The following TLK1 variants were observed in gnomAD, a reference collection of about 807,000 sequenced individuals.
TLK1 encodes the protein serine/threonine-protein kinase tousled-like 1.
A neutral mutation model predicts 105.3 loss-of-function variants in TLK1; 24 were observed. That is an observed-to-expected ratio of 0.23 (90% confidence interval 0.17 to 0.32). The LOEUF is 0.32. TLK1 is among the 10% of genes least tolerant of loss of function. The pLI, the probability that TLK1 is intolerant of heterozygous loss-of-function variation, is 1.00. For synonymous variants in TLK1, 321 were observed against 310.4 expected (o/e 1.03, Z -0.36); for missense variants, 558 against 910.5 (o/e 0.61, Z 4.98).
chr2:171,007,604 T>C (rs575288826), intron 14 of TLK1, among the ~76,000 whole-genome samples: 37 of 152,160 alleles, frequency 2.4e-4, no homozygotes, highest in African/African-American at 8.9e-4. Flanking sequence ...CTTATGCCCC[T>C]ACCATCCAGT....
intron 20 of TLK1, among the ~76,000 whole-genome samples, chr2:170,996,039 C>T (rs1402372219): frequency 6.6e-6 from 1 of 151,352 alleles, no homozygotes. Flanking sequence ...ACTCTGTCCC[C>T]CAGGTTTGAG....
chr2:170,996,407 C>T (rs1210789193), intron 20 of TLK1, among the ~76,000 whole-genome samples: 2 of 151,926 alleles, frequency 1.3e-5, no homozygotes, highest in Non-Finnish European at 2.9e-5. Flanking sequence ...GTGATTTTTC[C>T]CTAATTTTCA....
chr2:171,048,285 AC>A, intron 10 of TLK1, among the ~76,000 whole-genome samples: 1 of 152,348 alleles, frequency 6.6e-6, no homozygotes, highest in East Asian at 1.9e-4. Context: ...AATTGGAACT[AC>A]TAGTAGAATT....
Position 171,091,348 on chromosome 2 carries a change from A to C in TLK1, c.259-8496T>G, listed in dbSNP as rs181500076. 9.8e-5 allele frequency among the ~76,000 whole-genome samples: 15 copies of C among 152,318 alleles called. No homozygotes were observed. In the East Asian group the frequency reaches 1.7e-3, roughly 18 times the overall value. On this transcript the variant is annotated intron_variant, in intron 2 of 20. Transcript: ENST00000431350. ...AGATGCCCCCATCTAACCAGACATA[A>C]TCTAGTATAAACATTCCTTGCATCC...
intron 1 of TLK1, among the ~76,000 whole-genome samples, chr2:171,198,015 C>T (rs1473197866): frequency 1.3e-5 from 2 of 152,100 alleles, no homozygotes; most frequent in Non-Finnish European, 2.9e-5. Context: ...ATTTTTGTAT[C>T]CTCAGTACCT....
chr2:171,034,898 T>C (rs1272051913), intron 11 of TLK1, among the ~76,000 whole-genome samples: 1 of 152,072 alleles, frequency 6.6e-6, no homozygotes, highest in Admixed American at 6.5e-5. Flanking sequence ...GCTGATATGG[T>C]TTGGCTGTGT....
intron 1 of TLK1, among the ~76,000 whole-genome samples, chr2:171,119,066 T>C (rs1022306665): frequency 5.9e-5 from 9 of 152,232 alleles, no homozygotes; most frequent in African/African-American, 1.4e-4. Flanking sequence ...ATCCAAGAAA[T>C]CTTGTATTCA....
At chr2:171,173,007 C>A (rs765851448) in intron 1 of TLK1, among the ~76,000 whole-genome samples, 6 of 152,126 alleles carry the variant, frequency 3.9e-5, no homozygotes, top group Non-Finnish European at 8.8e-5. Flanking sequence ...TTCTGAGAAT[C>A]TTTCCTAAGA....
intron 18 of TLK1, among the ~76,000 whole-genome samples, chr2:171,003,440 G>A (rs1252567684): frequency 6.6e-6 from 1 of 151,954 alleles, no homozygotes; most frequent in Non-Finnish European, 1.5e-5. Context: ...TCAATCTATG[G>A]TACATATCAA....
At chr2:171,029,385 T>G (rs1034979306) in intron 11 of TLK1, among the ~76,000 whole-genome samples, 7 of 152,168 alleles carry the variant, frequency 4.6e-5, no homozygotes, top group African/African-American at 1.7e-4. Context: ...ATCCCAGCAC[T>G]CTGGGAGGCT....
chr2:171,162,400 T>C (rs1313187122), upstream of TLK1, among the ~76,000 whole-genome samples: 1 of 152,134 alleles, frequency 6.6e-6, no homozygotes, highest in African/African-American at 2.4e-5. Context: ...TAGCCGGGTG[T>C]AGCGGCACGC....
At position 171,160,028 on chromosome 2, in the gene TLK1, G is replaced by A. The variant is rs1027559600; in HGVS notation, c.139+262C>T. Reference sequence around the variant, plus strand: ...CAGGACTGGCTCCCAGGAACCCCAGGCGAGTCTATGCGCCTCGCCCCGTCC... The same window carrying A: ...CAGGACTGGCTCCCAGGAACCCCAGACGAGTCTATGCGCCTCGCCCCGTCC... On this transcript the variant is annotated intron_variant, in intron 1 of 20. Coordinates refer to ENST00000431350, the MANE Select transcript of TLK1 (RefSeq NM_012290.5). This position sits in a 1 kb window ranked among gnomAD's most constrained non-coding sequence, Gnocchi z 4.4. Among the ~76,000 whole-genome samples the A allele has an allele frequency of 6.6e-6, 1 of 152,116 alleles. No homozygotes were observed. Among genetic ancestry groups the A allele is most frequent in the Non-Finnish European group, 1.5e-5 (1 of 67,992 alleles).
At position 171,050,194 on chromosome 2, in the gene TLK1, T is replaced by G; in HGVS notation, c.733-20A>C. The G allele has an allele frequency of 6.4e-7, 1 of 1,557,480 alleles. No individual in the cohort carries two copies. Among genetic ancestry groups the G allele is most frequent in the Non-Finnish European group, 8.8e-7 (1 of 1,140,928 alleles). ...GTTAGCCTATGACATAAGTAGAAAA[T>G]GCAAGAGGTCTAGACTGGGGAATAT... On this transcript the variant is annotated intron_variant, in intron 8 of 20. Coordinates refer to ENST00000431350, the MANE Select transcript of TLK1 (RefSeq NM_012290.5).
intron 12 of TLK1, among the ~76,000 whole-genome samples, chr2:171,023,610 A>C (rs1047097980): frequency 6.6e-6 from 1 of 152,206 alleles, no homozygotes; most frequent in Non-Finnish European, 1.5e-5. Context: ...TGTTCATATC[A>C]CAAATTTGAG....
intron 1 of TLK1, among the ~76,000 whole-genome samples, chr2:171,224,209 T>A (rs1391764771): frequency 6.6e-6 from 1 of 152,204 alleles, no homozygotes; most frequent in Non-Finnish European, 1.5e-5. Flanking sequence ...AGACTGTCTT[T>A]TCCTCAATAT....
chr2:171,166,859 T>C (rs1692618522), intron 1 of TLK1, among the ~76,000 whole-genome samples: 1 of 152,230 alleles, frequency 6.6e-6, no homozygotes, highest in African/African-American at 2.4e-5. Context: ...AAATTAGAGA[T>C]ATGTATATTT....
chr2:171,034,220 G>A (rs374984687), intron 11 of TLK1, among the ~76,000 whole-genome samples: 1 of 152,248 alleles, frequency 6.6e-6, no homozygotes, highest in East Asian at 1.9e-4. Flanking sequence ...AACAAGTTAA[G>A]ATACAGAATT....
At chr2:171,228,751 CTA>C (rs769630692) in intron 1 of TLK1, among the ~76,000 whole-genome samples, 5 of 151,962 alleles carry the variant, frequency 3.3e-5, no homozygotes, top group Non-Finnish European at 5.9e-5. Flanking sequence ...CTTTTTTAGC[CTA>C]TGTTATTAGA....
chr2:171,152,824 T>C (rs920500921), intron 1 of TLK1, among the ~76,000 whole-genome samples: 4 of 152,120 alleles, frequency 2.6e-5, no homozygotes, highest in Non-Finnish European at 5.9e-5. Context: ...TCAAGATAAA[T>C]GGAATTACAA....
Sources: gnomAD v4.1 joint callset for allele counts (sites outside exome capture counted in the v4.1 genomes callset) on GRCh38, gnomAD v4.1.1 for gene constraint, Gnocchi (gnomAD v3.1) non-coding constraint, MANE v1.5 for transcripts, NCBI Gene and HGNC (gene_info 2026-07-23, HGNC 2026-07-21) for gene names.